Variants in CPSF2 observed in about 807,000 individuals in gnomAD.
CPSF2 encodes cleavage and polyadenylation specificity factor subunit 2.
CPSF2 carries 51 observed loss-of-function variants against 84.2 expected under a neutral mutation model. The observed-to-expected ratio is 0.61, with a 90% confidence interval of 0.48 to 0.77. CPSF2 has a LOEUF of 0.77. Ranked by LOEUF, CPSF2 falls within the 30% of genes least tolerant of loss-of-function variation. The pLI, the probability that CPSF2 is intolerant of heterozygous loss-of-function variation, is 0.00. For missense variants in CPSF2, 641 were observed against 929.4 expected, an observed-to-expected ratio of 0.69 and a Z score of 4.03; for synonymous variants, 286 against 311.9, an observed-to-expected ratio of 0.92 and a Z score of 0.87.
intron 9 of CPSF2, among the ~76,000 whole-genome samples, chr14:92,151,482 G>A (rs1048908278): frequency 2.6e-5 from 4 of 151,490 alleles, no homozygotes; most frequent in Admixed American, 2.6e-4. Flanking sequence ...AAGTCTATTA[G>A]TATGGTTTCA....
rs1367237075 is a variant in CPSF2 at position 92,157,553 on chromosome 14, ATG to A, written c.1596-102_1596-101del. ...AAATAAATCATACAGATACTATAAC[ATG>A]TGTATTTCTCAAATCCTAGTGTTAT... On this transcript the variant is annotated intron_variant, in intron 12 of 15. Transcript: ENST00000298875. This position sits in a 1 kb window ranked among gnomAD's most constrained non-coding sequence, Gnocchi z 4.0. 3 of 472,960 alleles carry A rather than the reference ATG, an allele frequency of 6.3e-6. No homozygotes were observed. Among genetic ancestry groups the A allele is most frequent in the East Asian group, 1.3e-4 (2 of 15,124 alleles). The allele number at this position is 472,960 out of a possible 1,614,324, so 29.3% of individuals were successfully genotyped here. A position where few individuals can be genotyped will look rare whatever the true frequency, so the allele number is the denominator to read the frequency against.
In CPSF2 at chr14:92,159,929, A is replaced by G. The variant is rs142011527; in HGVS notation, c.2121+647A>G. Among the ~76,000 whole-genome samples, 490 of 151,154 alleles carry G rather than the reference A, an allele frequency of 3.2e-3. 4 individuals carry two copies. The highest frequency in any genetic ancestry group is 0.011 in the African/African-American group (466 of 41,150). On this transcript the variant is annotated intron_variant, in intron 14 of 15. Transcript: ENST00000298875. ...CTGCCTGCTTCCAGTCAGGAGATTT[A>G]TAGTTTTCTAAGAAAGTCATACTGT... is the stretch of plus-strand genomic sequence containing the variant.
rs918869672 is a variant in CPSF2 at position 92,122,020 on chromosome 14, C to G, written c.-202C>G. 3.3e-6 allele frequency: 2 copies of G among 612,858 alleles called. No individual in the cohort carries two copies. The highest frequency in any genetic ancestry group is 5.7e-6 in the Non-Finnish European group (2 of 349,874). The allele number at this position is 612,858 out of a possible 1,614,324, so 38.0% of individuals were successfully genotyped here. A position where few individuals can be genotyped will look rare whatever the true frequency, so the allele number is the denominator to read the frequency against. ...CTGCCACTGTGGGGCTTCTGCCGGC[C>G]GGTAGTCCCTGGCGCTGCTGACCCA... On this transcript the variant is annotated 5_prime_UTR_variant, in exon 1 of 16. Coordinates refer to ENST00000298875, the MANE Select transcript of CPSF2 (RefSeq NM_017437.3).
At chr14:92,160,952 A>T (rs1251801822) in intron 14 of CPSF2, among the ~76,000 whole-genome samples, 160 bp from the exon 15 acceptor site, 1 of 152,226 alleles carries the variant, frequency 6.6e-6, no homozygotes, top group Admixed American at 6.5e-5. Context: ...TTAGAATAAC[A>T]ACTTGGAATG....
In CPSF2 at chr14:92,165,279, C is replaced by G. The variant is rs1194645823; in HGVS notation, c.*3535C>G. 6.9e-6 allele frequency: 1 copy of G among 145,230 alleles called. No individual in the cohort carries two copies. The highest frequency in any genetic ancestry group is 7.0e-5 in the Admixed American group (1 of 14,266). The allele number at this position is 145,230 out of a possible 1,614,324, so 9.0% of individuals were successfully genotyped here. A position where few individuals can be genotyped will look rare whatever the true frequency, so the allele number is the denominator to read the frequency against. Reference sequence around the variant, plus strand: ...TGTATGTACATATGTTTTCAATTTTCTTGGATATATATCTAAGAATTAGAA... The same window carrying G: ...TGTATGTACATATGTTTTCAATTTTGTTGGATATATATCTAAGAATTAGAA... On this transcript the variant is annotated 3_prime_UTR_variant, in exon 16 of 16. Coordinates refer to ENST00000298875, the MANE Select transcript of CPSF2 (RefSeq NM_017437.3).
In CPSF2 at chr14:92,163,051, A is replaced by C. The variant is rs1250448354; in HGVS notation, c.*1307A>C. The C allele has an allele frequency of 6.6e-6, 1 of 152,170 alleles. No individual in the cohort carries two copies. The highest frequency in any genetic ancestry group is 1.9e-4 in the East Asian group (1 of 5,198). The allele number at this position is 152,170 out of a possible 1,614,324, so 9.4% of individuals were successfully genotyped here. On this transcript the variant is annotated 3_prime_UTR_variant, in exon 16 of 16. Coordinates refer to ENST00000298875, the MANE Select transcript of CPSF2 (RefSeq NM_017437.3). ...CCCAAGTAGCTGGGACTACGGGCAC[A>C]TGCCACTGCACCTGGCTAATTTTTA...
In CPSF2 at chr14:92,155,318, T is replaced by G. The variant is rs186425908; in HGVS notation, c.1437T>G (p.Ile479Met). 1 of 1,612,888 alleles carries G rather than the reference T, an allele frequency of 6.2e-7. No individual in the cohort carries two copies. The highest frequency in any genetic ancestry group is 1.3e-5 in the African/African-American group (1 of 75,024). The change falls in exon 11 of 16, where the codon ATT becomes ATG. Residue 479 changes from isoleucine to methionine, a missense_variant. Physicochemically the swap from Ile to Met is conservative, Grantham distance 10 (BLOSUM62 1). Around this residue, in one of 2 missense-constraint regions of CPSF2, gnomAD observed 430 missense variants for 553.6 expected, o/e 0.78. Coordinates refer to ENST00000298875, the MANE Select transcript of CPSF2 (RefSeq NM_017437.3). ...ERIKWDEYGE[I>M]IKPEDFLVPE... is the part of the protein sequence containing the mutation. ...TTAAATGGGATGAATATGGAGAGAT[T>G]ATCAAGTATGTGAGCAAAACAAACT...
chr14:92,161,650 A>G lies in CPSF2; in HGVS notation c.2257-2A>G. 2 of 1,576,210 alleles carry G rather than the reference A, an allele frequency of 1.3e-6. No homozygotes were observed. The highest frequency in any genetic ancestry group is 1.7e-6 in the Non-Finnish European group (2 of 1,168,730). ...AAAGAATTTTTTTTATTTGGTTTCT[A>G]GACGGAAACTGGACGCATTGGATTA... On this transcript the variant is annotated splice_acceptor_variant, in intron 15 of 15. Transcript: ENST00000298875. LOFTEE classifies it high-confidence loss of function.
intron 14 of CPSF2, 50 bp downstream of exon 14, chr14:92,159,332 CTAGTT>C: frequency 6.8e-7 from 1 of 1,464,352 alleles, no homozygotes; most frequent in Non-Finnish European, 9.2e-7. Context: ...TGTCATCCTT[CTAGTT>C]TTCATGTCTT....
rs1199701437 is a variant in CPSF2, at chr14:92,164,958, GC to G, written c.*3216del. 1 of 152,180 alleles carries G rather than the reference GC, an allele frequency of 6.6e-6. No homozygotes were observed. The highest frequency in any genetic ancestry group is 1.5e-5 in the Non-Finnish European group (1 of 68,032). 9.4% of individuals were successfully genotyped at this position (152,180 alleles called of 1,614,324 possible). A position where few individuals can be genotyped will look rare whatever the true frequency, so the allele number is the denominator to read the frequency against. Reference sequence around the variant, plus strand: ...TGCCCCCTTCCTATGACCCCTGGCAGCCATTAATCTACTTTCTGTCTCCTTG... The same window carrying G: ...TGCCCCCTTCCTATGACCCCTGGCAGCATTAATCTACTTTCTGTCTCCTTG... On this transcript the variant is annotated 3_prime_UTR_variant, in exon 16 of 16. Transcript: ENST00000298875.
rs377608735 is a variant in CPSF2, at chr14:92,143,304, T to C, written c.1140+10T>C. On this transcript the variant is annotated intron_variant, in intron 9 of 15. Coordinates refer to ENST00000298875, the MANE Select transcript of CPSF2 (RefSeq NM_017437.3). ...AATTACAGAAATAGAGGTAAGCACTTGTATGTGAACTTTATCTTAAAACTG... is the reference window on the plus strand; with the variant it reads ...AATTACAGAAATAGAGGTAAGCACTCGTATGTGAACTTTATCTTAAAACTG... 5 of 1,555,360 alleles carry C rather than the reference T, an allele frequency of 3.2e-6. No individual in the cohort carries two copies. The highest frequency in any genetic ancestry group is 4.4e-6 in the Non-Finnish European group (5 of 1,137,200).
Position 92,154,163 on chromosome 14 carries a change from G to C in CPSF2, c.1141-195G>C, listed in dbSNP as rs914878872. 1.6e-5 allele frequency: 7 copies of C among 431,986 alleles called. No individual in the cohort carries two copies. The Admixed American group carries it at 2.7e-4, about 16-fold the overall frequency. The allele number at this position is 431,986 out of a possible 1,614,324, so 26.8% of individuals were successfully genotyped here. Reference sequence around the variant, plus strand: ...AAATTAAACCCATTCTAGATGATGTGTGACAGCTCAATTTTAATACTAATC... The same window carrying C: ...AAATTAAACCCATTCTAGATGATGTCTGACAGCTCAATTTTAATACTAATC... On this transcript the variant is annotated intron_variant, in intron 9 of 15. Coordinates refer to ENST00000298875, the MANE Select transcript of CPSF2 (RefSeq NM_017437.3).
intron 14 of CPSF2, among the ~76,000 whole-genome samples, chr14:92,160,835 A>C (rs2069362443): frequency 6.6e-6 from 1 of 152,206 alleles, no homozygotes; most frequent in Admixed American, 6.5e-5. Flanking sequence ...TGAAGAGCCT[A>C]ACATTACCAA....
intron 1 of CPSF2, among the ~76,000 whole-genome samples, chr14:92,125,003 CAG>C (rs1404389988): frequency 1.3e-5 from 2 of 152,072 alleles, no homozygotes; most frequent in African/African-American, 4.8e-5. Context: ...GCAGTGATGT[CAG>C]GGTGGCTTCC....
chr14:92,151,417 A>C (rs2069214281), intron 9 of CPSF2, among the ~76,000 whole-genome samples: 1 of 150,652 alleles, frequency 6.6e-6, no homozygotes, highest in South Asian at 2.1e-4. Flanking sequence ...CAAAACAAAA[A>C]ACAAGAGTGT....
At chr14:92,139,635 T>C (rs560329283) in intron 7 of CPSF2, among the ~76,000 whole-genome samples, 5 of 149,618 alleles carry the variant, frequency 3.3e-5, no homozygotes, top group Admixed American at 6.7e-5. Context: ...ACTTCCCGGG[T>C]TGAAGTGATT....
chr14:92,151,253 T>A (rs2069211337), intron 9 of CPSF2, among the ~76,000 whole-genome samples: 1 of 151,972 alleles, frequency 6.6e-6, no homozygotes, highest in Non-Finnish European at 1.5e-5. Flanking sequence ...CAGCTGGGCA[T>A]GGTGGTGCAC....
In CPSF2 at chr14:92,122,120, C is replaced by G; in HGVS notation, c.-102C>G. On this transcript the variant is annotated 5_prime_UTR_variant, in exon 1 of 16. Coordinates refer to ENST00000298875, the MANE Select transcript of CPSF2 (RefSeq NM_017437.3). ...GGGCTGTGGACGGCGTTGGGGGAGG[C>G]CTGACGAGGCAAGTGAGGGCGGGAG... The G allele has an allele frequency of 2.5e-6, 1 of 401,030 alleles. No individual in the cohort carries two copies. The highest frequency in any genetic ancestry group is 4.7e-6 in the Non-Finnish European group (1 of 212,920). The allele number at this position is 401,030 out of a possible 1,614,324, so 24.8% of individuals were successfully genotyped here.
At chr14:92,154,129 G>A in intron 9 of CPSF2, 1 of 325,570 alleles carries the variant, frequency 3.1e-6, no homozygotes, top group Non-Finnish European at 5.7e-6. Flanking sequence ...TGGCCAACCA[G>A]TTTGATTTAA....
Sources: allele counts gnomAD v4.1 joint callset (sites outside exome capture counted in the v4.1 genomes callset), GRCh38; gene constraint gnomAD v4.1.1; regional missense constraint gnomAD v4.1.1; non-coding constraint Gnocchi (gnomAD v3.1); transcripts MANE v1.5; gene names NCBI Gene and HGNC (gene_info 2026-07-23, HGNC 2026-07-21).